Variants in FANCC observed in about 807,000 individuals in gnomAD.
FANCC encodes FA complementation group C.
In FANCC, 55 loss-of-function variants were observed where a neutral mutation model predicts 71.3. The ratio of observed to expected loss-of-function variants is 0.77; its 90% CI spans 0.62 to 0.97. The LOEUF (loss-of-function observed/expected upper bound fraction) is 0.97, where lower values mean the gene tolerates loss of function less well. FANCC is among the 50% of genes least tolerant of loss of function. FANCC has a pLI of 0.00. For synonymous variants in FANCC, 275 were observed against 244.9 expected (o/e 1.12, Z -1.15); for missense variants, 678 against 670.9 (o/e 1.01, Z -0.12).
intron 7 of FANCC, chr9:95,145,518 A>T (rs1829411813): frequency 6.6e-6 from 1 of 152,232 alleles, no homozygotes; most frequent in Non-Finnish European, 1.5e-5. Flanking sequence ...CTTCCCTGCA[A>T]CTAGAAAAAT....
chr9:95,107,698 G>A (rs985145279), intron 13 of FANCC, among the ~76,000 whole-genome samples: 1 of 152,118 alleles, frequency 6.6e-6, no homozygotes, highest in African/African-American at 2.4e-5. Context: ...GCTTGCCTTT[G>A]CTTCTTGCTA....
chr9:95,200,214 C>A (rs544473774), intron 4 of FANCC, among the ~76,000 whole-genome samples: 25 of 152,272 alleles, frequency 1.6e-4, no homozygotes, highest in Admixed American at 5.2e-4. Context: ...CCCTGGATCT[C>A]AGAGCAAAGC....
chr9:95,217,377 C>A (rs549189356), intron 4 of FANCC, among the ~76,000 whole-genome samples: 1 of 151,528 alleles, frequency 6.6e-6, no homozygotes, highest in East Asian at 1.9e-4. Flanking sequence ...CCCAGCTACT[C>A]GGGAGGCTGA....
At chr9:95,168,919 T>A (rs185563509) in intron 6 of FANCC, among the ~76,000 whole-genome samples, 2 of 152,296 alleles carry the variant, frequency 1.3e-5, no homozygotes, top group East Asian at 1.9e-4. Context: ...TTACCCAGGG[T>A]ATCCATAATA....
At chr9:95,161,392 C>G (rs1830737488) in intron 6 of FANCC, among the ~76,000 whole-genome samples, 1 of 152,218 alleles carries the variant, frequency 6.6e-6, no homozygotes, top group Non-Finnish European at 1.5e-5. Flanking sequence ...TCAACACTAC[C>G]TCTTGATCTT....
At chr9:95,186,492 T>C (rs192914796) in intron 4 of FANCC, 27 of 152,340 alleles carry the variant, frequency 1.8e-4, no homozygotes, top group African/African-American at 5.8e-4. Context: ...AGAAGTGAGT[T>C]TGGATTACCG....
chr9:95,211,588 T>G (rs1306166171), intron 4 of FANCC, among the ~76,000 whole-genome samples: 2 of 152,054 alleles, frequency 1.3e-5, no homozygotes, highest in African/African-American at 4.8e-5. Flanking sequence ...CTACAAAACA[T>G]AAATGTCTGC....
intron 1 of FANCC, among the ~76,000 whole-genome samples, chr9:95,289,072 A>G (rs375085621): frequency 6.6e-6 from 1 of 152,176 alleles, no homozygotes; most frequent in Admixed American, 6.5e-5. Flanking sequence ...ACTGCACTCC[A>G]GCCTAGACAA....
At chr9:95,140,496 CA>C (rs1396638612) in intron 7 of FANCC, among the ~76,000 whole-genome samples, 8 of 152,094 alleles carry the variant, frequency 5.3e-5, no homozygotes, top group African/African-American at 1.9e-4. Context: ...CAAAACAAAA[CA>C]AAACCAGAAT....
intron 6 of FANCC, among the ~76,000 whole-genome samples, chr9:95,160,152 T>C (rs1830663093): frequency 6.6e-6 from 1 of 152,268 alleles, no homozygotes; most frequent in African/African-American, 2.4e-5. Context: ...AGGATTTTTA[T>C]GGTTTTAGGT....
intron 13 of FANCC, chr9:95,110,623 A>T: frequency 9.6e-6 from 10 of 1,041,740 alleles, no homozygotes; most frequent in Non-Finnish European, 1.2e-5. Flanking sequence ...CTTTAAACAA[A>T]ATACGCAGAC....
At chr9:95,300,141 T>C (rs1834632288) in intron 1 of FANCC, among the ~76,000 whole-genome samples, 1 of 152,220 alleles carries the variant, frequency 6.6e-6, no homozygotes, top group African/African-American at 2.4e-5. Flanking sequence ...TCTTGTTTTA[T>C]ATTTGAAATT....
intron 1 of FANCC, among the ~76,000 whole-genome samples, chr9:95,274,183 C>A (rs866573553): frequency 6.6e-6 from 1 of 152,042 alleles, no homozygotes; most frequent in Non-Finnish European, 1.5e-5. Context: ...AAATCCCTCA[C>A]CCCCTGACAG....
At chr9:95,103,366 G>A (rs1036562895) in intron 14 of FANCC, among the ~76,000 whole-genome samples, 3 of 152,156 alleles carry the variant, frequency 2.0e-5, no homozygotes, top group Admixed American at 2.0e-4. Flanking sequence ...ACCAAGAGTG[G>A]GTTCAATTCA....
At chr9:95,274,958 C>G (rs867833391) in intron 1 of FANCC, among the ~76,000 whole-genome samples, 1 of 151,870 alleles carries the variant, frequency 6.6e-6, no homozygotes, top group African/African-American at 2.4e-5. Flanking sequence ...ACCAGTTCCT[C>G]AAGTAATTTT....
At chr9:95,290,226 A>G (rs1833924841) in intron 1 of FANCC, among the ~76,000 whole-genome samples, 1 of 152,150 alleles carries the variant, frequency 6.6e-6, no homozygotes, top group Non-Finnish European at 1.5e-5. Flanking sequence ...TGCCATGCAA[A>G]TCCATCCTTT....
At chr9:95,272,098 G>A (rs1450229973) in intron 1 of FANCC, among the ~76,000 whole-genome samples, 2 of 151,272 alleles carry the variant, frequency 1.3e-5, no homozygotes, top group African/African-American at 2.4e-5. Context: ...CACCACGCCT[G>A]GCTAAATTTT....
At chr9:95,226,433 G>A (rs1487402883) in intron 4 of FANCC, among the ~76,000 whole-genome samples, 3 of 152,338 alleles carry the variant, frequency 2.0e-5, no homozygotes, top group Admixed American at 2.0e-4. Flanking sequence ...AGTGAGGAAG[G>A]CAGAGGAGAA....
chr9:95,206,648 T>C (rs1276161163), intron 4 of FANCC, among the ~76,000 whole-genome samples: 3 of 152,248 alleles, frequency 2.0e-5, no homozygotes, highest in East Asian at 3.9e-4. Context: ...TTAAAGAAGA[T>C]ATACAGCCCA....
Sources: gnomAD v4.1 joint callset for allele counts (sites outside exome capture counted in the v4.1 genomes callset) on GRCh38, gnomAD v4.1.1 for gene constraint, MANE v1.5 for transcripts, NCBI Gene and HGNC (gene_info 2026-07-23, HGNC 2026-07-21) for gene names.